PALLD: variants seen among roughly 807,000 people sequenced by gnomAD.
The protein encoded by PALLD is palladin, cytoskeletal associated protein, also known as palladin.
In PALLD, 61 loss-of-function variants were observed where a neutral mutation model predicts 123.5. The observed-to-expected ratio is 0.49, with a 90% CI of 0.40 to 0.61. PALLD has a LOEUF of 0.61. Among genes scored for constraint, PALLD ranks in the 20% least tolerant of loss-of-function variants. PALLD has a pLI of 0.00. For missense variants in PALLD, 1,273 were observed against 1,377.0 expected, an observed-to-expected ratio of 0.92 and a Z score of 1.20; for synonymous variants, 465 against 496.4, an observed-to-expected ratio of 0.94 and a Z score of 0.84.
chr4:168,670,098 A>G (rs2150022446), intron 3 of PALLD, among the ~76,000 whole-genome samples: 1 of 152,360 alleles, frequency 6.6e-6, no homozygotes, highest in South Asian at 2.1e-4. Context: ...TTCTTAAGCC[A>G]TCTTAGAATA....
At chr4:168,754,054 A>G (rs1279541957) in intron 10 of PALLD, among the ~76,000 whole-genome samples, 1 of 152,266 alleles carries the variant, frequency 6.6e-6, no homozygotes, top group Non-Finnish European at 1.5e-5. Flanking sequence ...TCTAAGGATA[A>G]CAAATTCAGA....
chr4:168,750,714 G>A (rs1042023809), intron 10 of PALLD, among the ~76,000 whole-genome samples: 9 of 152,156 alleles, frequency 5.9e-5, no homozygotes, highest in African/African-American at 1.7e-4. Context: ...ATTCTACTCA[G>A]CTGGGTTTGA....
chr4:168,835,491 T>C (rs1388499388), intron 10 of PALLD, among the ~76,000 whole-genome samples: 1 of 152,120 alleles, frequency 6.6e-6, no homozygotes, highest in African/African-American at 2.4e-5. Context: ...AAGGTGAGGA[T>C]TTGTTCCAGG....
At chr4:168,813,854 A>G (rs1231537318) in intron 10 of PALLD, among the ~76,000 whole-genome samples, 1 of 105,574 alleles carries the variant, frequency 9.5e-6, no homozygotes, top group Non-Finnish European at 2.4e-5. Context: ...AGCTTTGGAA[A>G]GGCTATTATA....
At chr4:168,806,927 C>T (rs1740292053) in intron 10 of PALLD, among the ~76,000 whole-genome samples, 1 of 152,118 alleles carries the variant, frequency 6.6e-6, no homozygotes. Flanking sequence ...CATTTACACA[C>T]ATACATATAT....
intron 10 of PALLD, among the ~76,000 whole-genome samples, chr4:168,759,193 AAAAAAAAAAATATAT>A (rs1732381288): frequency 6.2e-5 from 2 of 32,452 alleles, no homozygotes; most frequent in East Asian, 6.2e-4. Context: ...AAAAAAAAAA[AAAAAAAAAAATATAT>A]ATATATATAT....
intron 10 of PALLD, among the ~76,000 whole-genome samples, chr4:168,744,207 TA>T (rs10711368): frequency 0.53 from 80,078 of 151,850 alleles, 21,282 homozygotes; most frequent in East Asian, 0.63. Context: ...GTGTGGTGTA[TA>T]AAGTGTGAGA....
Position 168,795,050 on chromosome 4 carries a change from G to A in PALLD, c.1964+83127G>A, listed in dbSNP as rs148435309. 1.4e-3 allele frequency among the ~76,000 whole-genome samples: 213 copies of A among 152,256 alleles called. 1 individual carries two copies. The highest frequency in any genetic ancestry group is 4.7e-3 in the African/African-American group (195 of 41,542). On this transcript the variant is annotated intron_variant, in intron 10 of 21. Transcript: ENST00000505667. ...GCCTCTCACTGTGTGCTCATGCGGT[G>A]GAAGGGACCGGGAGCTCTGGGGCTA...
chr4:168,884,384 CTGGTTCTGGTCA>C (rs2151157869), intron 10 of PALLD, among the ~76,000 whole-genome samples: 1 of 152,312 alleles, frequency 6.6e-6, no homozygotes, highest in East Asian at 1.9e-4. Flanking sequence ...CCCTGCCAGG[CTGGTTCTGGTCA>C]CAGGACCTCT....
chr4:168,784,681 C>G (rs1189028479), intron 10 of PALLD, among the ~76,000 whole-genome samples: 1 of 152,224 alleles, frequency 6.6e-6, no homozygotes, highest in Non-Finnish European at 1.5e-5. Context: ...CAAACTGCTG[C>G]TGTCAACCCA....
chr4:168,858,424 C>T (rs1560805579), intron 10 of PALLD, among the ~76,000 whole-genome samples: 3 of 152,142 alleles, frequency 2.0e-5, no homozygotes. Flanking sequence ...TTTAATTTGG[C>T]ATGTTTCTCT....
intron 2 of PALLD, among the ~76,000 whole-genome samples, chr4:168,588,582 A>G (rs903069633): frequency 2.6e-5 from 4 of 151,634 alleles, no homozygotes; most frequent in Non-Finnish European, 5.9e-5. Context: ...TTGTATTTTT[A>G]TTTTTAGTAG....
chr4:168,593,031 A>G (rs77114788), intron 2 of PALLD, among the ~76,000 whole-genome samples: 1 of 152,012 alleles, frequency 6.6e-6, no homozygotes, highest in Non-Finnish European at 1.5e-5. Context: ...AAAAAAAAAA[A>G]GTCAACTATG....
intron 2 of PALLD, among the ~76,000 whole-genome samples, chr4:168,618,175 AC>A (rs1359377058): frequency 6.6e-6 from 1 of 152,132 alleles, no homozygotes; most frequent in Non-Finnish European, 1.5e-5. Flanking sequence ...AGTCGCTTAT[AC>A]TCTAAGCCTC....
intron 5 of PALLD, among the ~76,000 whole-genome samples, chr4:168,683,777 C>A (rs2150093836): frequency 6.6e-6 from 1 of 152,264 alleles, no homozygotes; most frequent in South Asian, 2.1e-4. Flanking sequence ...CCCCCACAGT[C>A]TGGAAATGTA....
intron 10 of PALLD, among the ~76,000 whole-genome samples, chr4:168,806,705 C>T (rs374909167): frequency 2.6e-5 from 4 of 152,000 alleles, no homozygotes; most frequent in Admixed American, 6.6e-5. Context: ...AAAAATGTAA[C>T]GTAGATGGTC....
chr4:168,567,856 T>G (rs1157599741), intron 2 of PALLD, among the ~76,000 whole-genome samples: 1 of 151,828 alleles, frequency 6.6e-6, no homozygotes, highest in East Asian at 1.9e-4. Flanking sequence ...GTACGCTATT[T>G]GGGTGATGGG....
At chr4:168,517,585 C>T (rs1763108891) in intron 2 of PALLD, among the ~76,000 whole-genome samples, 1 of 152,094 alleles carries the variant, frequency 6.6e-6, no homozygotes, top group East Asian at 1.9e-4. Context: ...TAAAAATTTC[C>T]ATCTCCTCAA....
Position 168,520,908 on chromosome 4 carries a change from G to T in PALLD, c.908+8496G>T, listed in dbSNP as rs983241072. 4.6e-5 allele frequency among the ~76,000 whole-genome samples: 7 copies of T among 152,170 alleles called. No homozygotes were observed. The South Asian group carries it at 1.4e-3, about 31-fold the overall frequency. On this transcript the variant is annotated intron_variant, in intron 2 of 21. Transcript: ENST00000505667. ...ACTATACAGTTAGAAGTTTGAATTG[G>T]TTATGACAGTCATTGGTATCTAGTC...
Sources: gnomAD v4.1 joint callset for allele counts (sites outside exome capture counted in the v4.1 genomes callset) on GRCh38, gnomAD v4.1.1 for gene constraint, MANE v1.5 for transcripts, NCBI Gene and HGNC (gene_info 2026-07-23, HGNC 2026-07-21) for gene names.